POLM: variants seen among roughly 807,000 people sequenced by gnomAD.
The protein encoded by POLM is DNA polymerase mu.
In POLM, 52 loss-of-function variants were observed where a neutral mutation model predicts 56.7. The observed-to-expected ratio is 0.92, with a 90% CI of 0.73 to 1.15. POLM has a LOEUF of 1.15. Ranked by LOEUF, POLM falls within the 50% of genes most tolerant of loss-of-function variation. The pLI is 0.00. For missense variants in POLM, 660 were observed against 663.6 expected (o/e 0.99, Z 0.06); for synonymous variants, 273 against 274.3 (o/e 1.00, Z 0.05).
chr7:44,082,170 G>T (rs2096201926), intron 1 of POLM, 81 bp downstream of exon 1: 2 of 1,219,636 alleles, frequency 1.6e-6, no homozygotes, highest in South Asian at 1.7e-5. Context: ...AAGGTCACAA[G>T]ACCACGAAGT....
chr7:44,077,513 G>A (rs927854898), intron 5 of POLM, among the ~76,000 whole-genome samples: 2 of 152,192 alleles, frequency 1.3e-5, no homozygotes, highest in Admixed American at 1.3e-4. Flanking sequence ...CAATTATATT[G>A]TTAATAAACT....
intron 1 of POLM, 21 bp from the exon 2 acceptor site, chr7:44,080,937 A>T: frequency 6.5e-7 from 1 of 1,540,788 alleles, no homozygotes; most frequent in Non-Finnish European, 8.7e-7. Context: ...GAGTTGGGAG[A>T]GAAGGAGGAG....
Position 44,080,741 on chromosome 7 carries a change from G to A in POLM, c.364C>T (p.Arg122Cys), listed in dbSNP as rs142909417. The A allele has an allele frequency of 2.4e-4, 390 of 1,613,996 alleles. 1 individual carries two copies. The African/African-American group carries it at 4.6e-3, about 19-fold the overall frequency. ...TCTTCCACCCAGCTCACCTCCAGGCGGTGCCGGCACTCCACAGGTACAGGC... is the reference window on the plus strand; with the variant it reads ...TCTTCCACCCAGCTCACCTCCAGGCAGTGCCGGCACTCCACAGGTACAGGC... ...GQPVPVECRH[R>C]LEVAGPRKGP... The change falls in exon 2 of 11, where the codon CGC (arginine) becomes TGC (cysteine). Residue 122 changes from arginine (R) to cysteine (C), a missense_variant. By Grantham distance (180) the Arg-to-Cys change is radical. Transcript: ENST00000242248.
chr7:44,081,744 C>CTTTTTTT (rs1183469734), intron 1 of POLM, among the ~76,000 whole-genome samples: 48 of 125,372 alleles, frequency 3.8e-4, no homozygotes, highest in Non-Finnish European at 5.9e-4. Context: ...GCAAATACGA[C>CTTTTTTT]TTTTTTTTTT....
intron 6 of POLM, chr7:44,075,774 C>G (rs1369402039): frequency 1.4e-5 from 2 of 145,816 alleles, no homozygotes; most frequent in Non-Finnish European, 3.0e-5. Context: ...GGCTGGAGTG[C>G]AGTGGCTCAA....
At chr7:44,080,230 A>C in intron 2 of POLM, 1 of 550,080 alleles carries the variant, frequency 1.8e-6, no homozygotes, top group Admixed American at 2.8e-5. Flanking sequence ...TGATGCATGT[A>C]CTCCATCACC....
rs1245877085 is a variant in POLM at position 44,074,392 on chromosome 7, T to C, written c.968+6A>G. 6.4e-7 allele frequency: 1 copy of C among 1,554,092 alleles called. No individual in the cohort carries two copies. The highest frequency in any genetic ancestry group is 1.4e-5 in the African/African-American group (1 of 73,386). Reference sequence around the variant, plus strand: ...CAAGCCAGAGGGGCACGTCGGGCCTTCTTACCTGCGGAAGCCGCCGGTCAG... The same window carrying C: ...CAAGCCAGAGGGGCACGTCGGGCCTCCTTACCTGCGGAAGCCGCCGGTCAG... On this transcript the variant is annotated splice_donor_region_variant and intron_variant, in intron 7 of 10. Transcript: ENST00000242248.
In POLM at chr7:44,082,359, A is replaced by G; in HGVS notation, c.80T>C (p.Phe27Ser). 6.5e-7 allele frequency: 1 copy of G among 1,550,274 alleles called. No individual in the cohort carries two copies. Among genetic ancestry groups the G allele is most frequent in the East Asian group, 2.6e-5 (1 of 38,756 alleles). Residue 27 changes from phenylalanine to serine, a missense_variant, in exon 1 of 11, where the codon TTC becomes TCC. Transcript: ENST00000242248. Reference sequence around the variant, plus strand: ...GACCAGGTAGATGGCGACTCCCGGGAAGCGCGTCGAGGGCGGCGTGGAGGA... The same window carrying G: ...GACCAGGTAGATGGCGACTCCCGGGGAGCGCGTCGAGGGCGGCGTGGAGGA... ...AASSTPPSTR[F>S]PGVAIYLVEP...
intron 7 of POLM, 76 bp downstream of exon 7, chr7:44,074,322 C>T (rs1232681959): frequency 6.5e-7 from 1 of 1,543,506 alleles, no homozygotes; most frequent in Non-Finnish European, 8.8e-7. Context: ...GGGCCCGCTT[C>T]AGGGTCCCCG....
In POLM at chr7:44,079,570, C is replaced by T. The variant is rs2096193591; in HGVS notation, c.642+1G>A. The T allele has an allele frequency of 7.3e-7, 1 of 1,363,418 alleles. No homozygotes were observed. Among genetic ancestry groups the T allele is most frequent in the East Asian group, 3.3e-5 (1 of 29,936 alleles). 84.5% of individuals were successfully genotyped at this position (1,363,418 alleles called of 1,614,324 possible). On this transcript the variant is annotated splice_donor_variant, in intron 4 of 10. Transcript: ENST00000242248. LOFTEE classifies it high-confidence loss of function. The stretch of plus-strand genomic sequence containing the variant: ...ACCCTGCTAGGATGGTAAGCACCTA[C>T]CTGGACAACCCTAGAGGAGTGTTCT...
At chr7:44,076,326 C>G (rs1470444613) in intron 6 of POLM, 183 bp downstream of exon 6, 1 of 638,096 alleles carries the variant, frequency 1.6e-6, no homozygotes, top group East Asian at 2.9e-5. Context: ...TCAGCATCGT[C>G]CACTGAGAAA....
intron 5 of POLM, 156 bp from the exon 6 acceptor site, chr7:44,076,785 AC>A (rs1230168414): frequency 4.5e-6 from 4 of 886,128 alleles, no homozygotes; most frequent in Non-Finnish European, 6.8e-6. Flanking sequence ...AAGGATTCAA[AC>A]CTGGAGCCTG....
chr7:44,074,061 G>C, intron 8 of POLM, 36 bp from the exon 9 acceptor site: 1 of 1,609,328 alleles, frequency 6.2e-7, no homozygotes, highest in Non-Finnish European at 8.5e-7. Flanking sequence ...AGACCATCCG[G>C]TGGTGTGGAG....
At position 44,073,612 on chromosome 7, in the gene POLM, C is replaced by G. The variant is rs779981178; in HGVS notation, c.1398+13G>C. ...TGGGTGCTGTTTGCTGTCCCCAGTC[C>G]CCAACAATGTACCTGCTCCGGGTCA... On this transcript the variant is annotated intron_variant, in intron 10 of 10. Coordinates refer to ENST00000242248, the MANE Select transcript of POLM (RefSeq NM_013284.4). The G allele has an allele frequency of 5.0e-6, 8 of 1,613,430 alleles. No homozygotes were observed.
chr7:44,072,284 A>T lies in POLM; in HGVS notation c.*1007T>A, dbSNP rs1039543366. The T allele has an allele frequency of 6.6e-6, 1 of 152,208 alleles. No homozygotes were observed. The highest frequency in any genetic ancestry group is 2.4e-5 in the African/African-American group (1 of 41,442). The allele number at this position is 152,208 out of a possible 1,614,324, so 9.4% of individuals were successfully genotyped here. A position where few individuals can be genotyped will look rare whatever the true frequency, so the allele number is the denominator to read the frequency against. On this transcript the variant is annotated 3_prime_UTR_variant, in exon 11 of 11. Transcript: ENST00000242248. The stretch of plus-strand genomic sequence containing the variant: ...TTTCAAAATATTTTTTAATGTGATG[A>T]GTGGTCTGGGAAATCCTCGCCTAAC...
In POLM at chr7:44,074,230, C is replaced by G; in HGVS notation, c.972G>C (p.Gly324=). The G allele has an allele frequency of 6.3e-7, 1 of 1,576,440 alleles. No homozygotes were observed. The highest frequency in any genetic ancestry group is 1.2e-5 in the South Asian group (1 of 86,646). ...AGTCCACGTCATGGCCCTGCAACTTCCCCCTGAGGGCGTCAGTCTGACTCT... is the reference window on the plus strand; with the variant it reads ...AGTCCACGTCATGGCCCTGCAACTTGCCCCTGAGGGCGTCAGTCTGACTCT... The part of the protein sequence containing the change: ...TVTLTGGFRR[G]KLQGHDVDFL... Residue 324 remains glycine (G), a synonymous_variant, in exon 8 of 11, where the codon GGG becomes GGC. Coordinates refer to ENST00000242248, the MANE Select transcript of POLM (RefSeq NM_013284.4).
At chr7:44,080,023 C>T in intron 2 of POLM, 64 bp from the exon 3 acceptor site, 1 of 1,233,352 alleles carries the variant, frequency 8.1e-7, no homozygotes. Flanking sequence ...CCAGGCCGTA[C>T]TCAGGCTTTG....
rs2096173317 is a variant in POLM at position 44,073,273 on chromosome 7, T to TG, written c.*17dup. Reference sequence around the variant, plus strand: ...GGCAGCCCAATTTCCTGAGTGGAAGTGGGGGACACAGGCAGGCTCAGGCGT... The same window carrying TG: ...GGCAGCCCAATTTCCTGAGTGGAAGTGGGGGGACACAGGCAGGCTCAGGCGT... On this transcript the variant is annotated 3_prime_UTR_variant, in exon 11 of 11. Transcript: ENST00000242248. 1.2e-6 allele frequency: 2 copies of TG among 1,613,914 alleles called. No homozygotes were observed. The highest frequency in any genetic ancestry group is 1.7e-5 in the Admixed American group (1 of 59,986).
chr7:44,072,357 G>C lies in POLM; in HGVS notation c.*934C>G, dbSNP rs1400822731. On this transcript the variant is annotated 3_prime_UTR_variant, in exon 11 of 11. Coordinates refer to ENST00000242248, the MANE Select transcript of POLM (RefSeq NM_013284.4). ...CTGAAGAAGGGGAGGGCCCACTCCA[G>C]GTAGATGACATGGCCAGGGCAAAAC... 1.3e-5 allele frequency: 2 copies of C among 152,234 alleles called. No homozygotes were observed. The highest frequency in any genetic ancestry group is 2.4e-5 in the African/African-American group (1 of 41,446). 9.4% of individuals were successfully genotyped at this position (152,234 alleles called of 1,614,324 possible). A position where few individuals can be genotyped will look rare whatever the true frequency, so the allele number is the denominator to read the frequency against.
Sources: allele counts gnomAD v4.1 joint callset (sites outside exome capture counted in the v4.1 genomes callset), GRCh38; gene constraint gnomAD v4.1.1; transcripts MANE v1.5; gene names NCBI Gene and HGNC (gene_info 2026-07-23, HGNC 2026-07-21).